The following PRRC2B variants were observed in gnomAD, a reference collection of about 807,000 sequenced individuals.
PRRC2B encodes the protein protein PRRC2B.
A neutral mutation model predicts 242.3 loss-of-function variants in PRRC2B; 68 were observed. That is an observed-to-expected ratio of 0.28 (90% CI 0.23 to 0.34). The LOEUF (loss-of-function observed/expected upper bound fraction) is 0.34, where lower values mean the gene tolerates loss of function less well. Among genes scored for constraint, PRRC2B ranks in the 10% least tolerant of loss-of-function variants. The probability of loss-of-function intolerance (pLI) is 1.00; values close to 1 mark genes in which losing one functional copy is unlikely to be tolerated. For missense variants in PRRC2B, 2,835 were observed against 2,954.8 expected, an observed-to-expected ratio of 0.96 and a Z score of 0.94; for synonymous variants, 1,228 against 1,173.6, an observed-to-expected ratio of 1.05 and a Z score of -0.95.
intron 1 of PRRC2B, among the ~76,000 whole-genome samples, chr9:131,417,613 C>T (rs1253845755): frequency 6.6e-6 from 1 of 152,144 alleles, no homozygotes; most frequent in African/African-American, 2.4e-5. Flanking sequence ...TACTTTTGCC[C>T]CCTCCTTGCC....
chr9:131,463,645 T>TTC (rs1491063404), intron 11 of PRRC2B, among the ~76,000 whole-genome samples: 2 of 143,510 alleles, frequency 1.4e-5, no homozygotes, highest in Admixed American at 6.9e-5. Context: ...TTTTTTTTTT[T>TTC]TCTTAATGGG....
chr9:131,480,438 G>A (rs1040925656), intron 19 of PRRC2B, among the ~76,000 whole-genome samples: 4 of 152,148 alleles, frequency 2.6e-5, no homozygotes, highest in African/African-American at 9.7e-5. Context: ...ATGCCCAGGT[G>A]CCAGATTGGT....
At chr9:131,440,797 A>T (rs1301937157) in intron 5 of PRRC2B, among the ~76,000 whole-genome samples, 1 of 152,130 alleles carries the variant, frequency 6.6e-6, no homozygotes, top group Non-Finnish European at 1.5e-5. Context: ...TATGTATAGT[A>T]TCTTAACCAT....
At chr9:131,451,311 A>C (rs1404280429) in intron 9 of PRRC2B, among the ~76,000 whole-genome samples, 2 of 152,034 alleles carry the variant, frequency 1.3e-5, no homozygotes, top group Non-Finnish European at 2.9e-5. Flanking sequence ...AGGCAGGAGA[A>C]TTGCTTGAAC....
At chr9:131,490,431 C>T in intron 28 of PRRC2B, 1 of 518,800 alleles carries the variant, frequency 1.9e-6, no homozygotes, top group South Asian at 1.4e-5. Flanking sequence ...TCATCCTGCA[C>T]CATTTTGGTG....
chr9:131,445,176 T>A (rs1838754846), intron 6 of PRRC2B, among the ~76,000 whole-genome samples: 1 of 152,120 alleles, frequency 6.6e-6, no homozygotes, highest in Non-Finnish European at 1.5e-5. Flanking sequence ...TTTTTTTTTT[T>A]TGAGATGGAG....
At chr9:131,469,248 C>T (rs768546680) in intron 13 of PRRC2B, among the ~76,000 whole-genome samples, 2 of 152,182 alleles carry the variant, frequency 1.3e-5, no homozygotes, top group Non-Finnish European at 2.9e-5. Flanking sequence ...GTAGGAGAAT[C>T]GCTTGCACCC....
chr9:131,388,174 C>T (rs1204473422), intron 1 of PRRC2B, among the ~76,000 whole-genome samples: 6 of 140,054 alleles, frequency 4.3e-5, no homozygotes, highest in Non-Finnish European at 7.6e-5. Context: ...GGCAACAGAG[C>T]GAGACGCTGT....
chr9:131,414,134 T>C (rs1837578803), intron 1 of PRRC2B, among the ~76,000 whole-genome samples: 1 of 152,074 alleles, frequency 6.6e-6, no homozygotes, highest in African/African-American at 2.4e-5. Flanking sequence ...ACATCAGTAG[T>C]CACTTAATTT....
intron 5 of PRRC2B, among the ~76,000 whole-genome samples, chr9:131,439,474 GC>G (rs1234788881): frequency 6.6e-6 from 1 of 152,200 alleles, no homozygotes; most frequent in Non-Finnish European, 1.5e-5. Context: ...AGCACTGGCT[GC>G]CCTTTATTAC....
At chr9:131,423,574 G>T (rs1289039520) in intron 1 of PRRC2B, among the ~76,000 whole-genome samples, 1 of 152,236 alleles carries the variant, frequency 6.6e-6, no homozygotes, top group African/African-American at 2.4e-5. Context: ...GAATGATTCT[G>T]GTTTATTTTG....
At position 131,446,993 on chromosome 9, in the gene PRRC2B, A is replaced by G. The variant is rs1349147107; in HGVS notation, c.856-92A>G. The G allele has an allele frequency of 1.3e-6, 2 of 1,528,670 alleles. No homozygotes were observed. The highest frequency in any genetic ancestry group is 2.3e-5 in the East Asian group (1 of 44,244). The allele number at this position is 1,528,670 out of a possible 1,614,324, so 94.7% of individuals were successfully genotyped here. The stretch of plus-strand genomic sequence containing the variant: ...CATGACTTTCCTGTTTCTTTTTCCC[A>G]TTTTCCACTTTATAAAACACATTCT... On this transcript the variant is annotated intron_variant, in intron 7 of 31. Transcript: ENST00000683519. This position sits in a 1 kb window ranked among gnomAD's most constrained non-coding sequence, Gnocchi z 4.1.
At chr9:131,392,396 T>G (rs1836914689), upstream of PRRC2B, among the ~76,000 whole-genome samples, 1 of 152,174 alleles carries the variant, frequency 6.6e-6, no homozygotes, top group African/African-American at 2.4e-5. Context: ...TGCGCCAGCC[T>G]TACAGATGAA....
intron 30 of PRRC2B, among the ~76,000 whole-genome samples, chr9:131,493,842 A>G (rs1249000652): frequency 6.6e-6 from 1 of 151,254 alleles, no homozygotes; most frequent in African/African-American, 2.4e-5. Context: ...AACTCTGCAC[A>G]CGGCACTTAG....
Position 131,436,711 on chromosome 9 carries a change from A to G in PRRC2B, c.385A>G (p.Ile129Val), listed in dbSNP as rs910041922. The change falls in exon 4 of 32, where the codon ATC (isoleucine) becomes GTC (valine). Residue 129 changes from isoleucine to valine, a missense_variant. This residue lies in a region of PRRC2B where 626 missense variants were observed against 685.5 expected (regional missense o/e 0.91). Transcript: ENST00000683519. ...CAATTTGCAGAAACCGACACAGTCA[A>G]TCAGTCAGGAGGTAGGTGCTGGGAC... Reference protein sequence around the residue: ...VSNLQKPTQSISQENTNSVPG... With the variant: ...VSNLQKPTQSVSQENTNSVPG... 28 of 1,613,806 alleles carry G rather than the reference A, an allele frequency of 1.7e-5. No individual in the cohort carries two copies. Among genetic ancestry groups the G allele is most frequent in the African/African-American group, 5.3e-5 (4 of 74,926 alleles).
In PRRC2B at chr9:131,464,887, G is replaced by A; in HGVS notation, c.1529G>A (p.Arg510Gln). 1.2e-6 allele frequency: 2 copies of A among 1,613,674 alleles called. No homozygotes were observed. Among genetic ancestry groups the A allele is most frequent in the Non-Finnish European group, 1.7e-6 (2 of 1,179,798 alleles). Residue 510 changes from arginine to glutamine, a missense_variant, in exon 12 of 32, where the codon CGG becomes CAG. Arg to Gln is a conservative substitution (Grantham distance 43). This residue lies in a region of PRRC2B where 626 missense variants were observed against 685.5 expected (regional missense o/e 0.91). Transcript: ENST00000683519. Reference sequence around the variant, plus strand: ...GCGGTGGAGCGAGCCCGAAAGCGCCGGGAAGAAGAGGAGCGCCGAGCCCGG... The same window carrying A: ...GCGGTGGAGCGAGCCCGAAAGCGCCAGGAAGAAGAGGAGCGCCGAGCCCGG... ...SEAVERARKR[R>Q]EEEERRAREE...
intron 1 of PRRC2B, among the ~76,000 whole-genome samples, chr9:131,374,076 A>G (rs1026273986): frequency 2.6e-5 from 4 of 151,712 alleles, no homozygotes; most frequent in Non-Finnish European, 5.9e-5. Context: ...AAAAAAAAAA[A>G]ATCGCTCGTC....
chr9:131,480,116 G>A (rs1943815798), intron 19 of PRRC2B, among the ~76,000 whole-genome samples: 1 of 152,152 alleles, frequency 6.6e-6, no homozygotes, highest in Admixed American at 6.5e-5. Flanking sequence ...GGGGAGCTTG[G>A]AGAGGTCACC....
At chr9:131,428,987 G>A (rs1398172407) in intron 1 of PRRC2B, among the ~76,000 whole-genome samples, 1 of 152,100 alleles carries the variant, frequency 6.6e-6, no homozygotes, top group Non-Finnish European at 1.5e-5. Flanking sequence ...ATGCAGTCTC[G>A]CTCTGTCGCC....
Sources: allele counts gnomAD v4.1 joint callset (sites outside exome capture counted in the v4.1 genomes callset), GRCh38; gene constraint gnomAD v4.1.1; regional missense constraint gnomAD v4.1.1; non-coding constraint Gnocchi (gnomAD v3.1); transcripts MANE v1.5; gene names NCBI Gene and HGNC (gene_info 2026-07-23, HGNC 2026-07-21).